The following FANCC variants were observed in gnomAD, a reference collection of about 807,000 sequenced individuals.
The protein encoded by FANCC is Fanconi anemia group C protein.
FANCC carries 55 observed loss-of-function variants against 71.3 expected under a neutral mutation model. That is an observed-to-expected ratio of 0.77 (90% CI 0.62 to 0.97). The LOEUF (loss-of-function observed/expected upper bound fraction) is 0.97. Among genes scored for constraint, FANCC ranks in the 50% least tolerant of loss-of-function variants. The pLI is 0.00. For missense variants in FANCC, 678 were observed against 670.9 expected (o/e 1.01, Z -0.12); for synonymous variants, 275 against 244.9 (o/e 1.12, Z -1.15).
intron 7 of FANCC, 140 bp downstream of exon 7, chr9:95,149,783 T>G: frequency 1.0e-6 from 1 of 996,758 alleles, no homozygotes; most frequent in South Asian, 1.4e-5. Flanking sequence ...CTGGCCGGGA[T>G]ACTCAGTAAT....
At chr9:95,183,319 T>A (rs1273576851) in intron 4 of FANCC, among the ~76,000 whole-genome samples, 2 of 152,228 alleles carry the variant, frequency 1.3e-5, no homozygotes, top group Admixed American at 1.3e-4. Flanking sequence ...CCTGCTCTCC[T>A]CTGTCCACCG....
At chr9:95,139,834 T>TTA (rs539221326) in intron 7 of FANCC, among the ~76,000 whole-genome samples, 4,379 of 143,104 alleles carry the variant, frequency 0.031, 64 homozygotes, top group South Asian at 0.05. Context: ...ATATATATAT[T>TTA]TATATATATA....
intron 4 of FANCC, among the ~76,000 whole-genome samples, chr9:95,221,324 A>G (rs545415954): frequency 2.6e-4 from 39 of 152,350 alleles, no homozygotes; most frequent in African/African-American, 8.9e-4. Context: ...CTCCCACCTC[A>G]TAACTGTCTA....
chr9:95,108,480 A>C (rs988202671), intron 13 of FANCC, among the ~76,000 whole-genome samples: 1 of 152,154 alleles, frequency 6.6e-6, no homozygotes, highest in Admixed American at 6.5e-5. Context: ...CTTGTCCAAT[A>C]ATCCCTAAGA....
intron 3 of FANCC, among the ~76,000 whole-genome samples, chr9:95,242,826 C>T (rs1199595675): frequency 1.3e-5 from 2 of 152,192 alleles, no homozygotes; most frequent in Admixed American, 6.5e-5. Context: ...CACCAGCACT[C>T]ACTCCAGGGG....
intron 4 of FANCC, among the ~76,000 whole-genome samples, chr9:95,184,428 C>T (rs1392129306): frequency 6.6e-6 from 1 of 152,072 alleles, no homozygotes; most frequent in Non-Finnish European, 1.5e-5. Flanking sequence ...ATTTACTTCA[C>T]TAAAAAAAGA....
intron 1 of FANCC, among the ~76,000 whole-genome samples, chr9:95,264,161 C>CT (rs1263172325): frequency 2.0e-5 from 3 of 152,196 alleles, no homozygotes; most frequent in African/African-American, 7.2e-5. Flanking sequence ...TAACACCATT[C>CT]TTTGGCTTTC....
At chr9:95,293,712 C>A in intron 1 of FANCC, 1 of 1,613,726 alleles carries the variant, frequency 6.2e-7, no homozygotes, top group Non-Finnish European at 8.5e-7. Flanking sequence ...CATTAGTGTT[C>A]ACACTCAGAC....
At chr9:95,277,288 A>G (rs957611129) in intron 1 of FANCC, among the ~76,000 whole-genome samples, 2 of 152,214 alleles carry the variant, frequency 1.3e-5, no homozygotes, top group Non-Finnish European at 2.9e-5. Context: ...CTGGGTAGTG[A>G]GCTGCACCTT....
chr9:95,166,407 C>T (rs1831071167), intron 6 of FANCC, among the ~76,000 whole-genome samples: 1 of 151,844 alleles, frequency 6.6e-6, no homozygotes, highest in South Asian at 2.1e-4. Flanking sequence ...TTGTTGTTAC[C>T]ATGGGCATTA....
At chr9:95,200,226 G>C (rs1019161106) in intron 4 of FANCC, among the ~76,000 whole-genome samples, 1 of 152,138 alleles carries the variant, frequency 6.6e-6, no homozygotes, top group African/African-American at 2.4e-5. Flanking sequence ...GAGCAAAGCT[G>C]CTGGGGTTCA....
intron 4 of FANCC, among the ~76,000 whole-genome samples, chr9:95,220,196 A>G (rs1829147223): frequency 6.6e-6 from 1 of 152,222 alleles, no homozygotes. Context: ...TAGAATGGCA[A>G]TCATTAAAAA....
chr9:95,316,381 G>C (rs997856233), intron 1 of FANCC, among the ~76,000 whole-genome samples: 1 of 152,190 alleles, frequency 6.6e-6, no homozygotes, highest in Non-Finnish European at 1.5e-5. Context: ...GGTAATGAAT[G>C]ATCTCAACAC....
At chr9:95,201,819 T>C (rs1028744570) in intron 4 of FANCC, among the ~76,000 whole-genome samples, 2 of 152,346 alleles carry the variant, frequency 1.3e-5, no homozygotes, top group Non-Finnish European at 2.9e-5. Flanking sequence ...CCTACTTAGA[T>C]AGCTGTAGAT....
chr9:95,181,651 G>C (rs916424064), intron 4 of FANCC, among the ~76,000 whole-genome samples: 1 of 152,092 alleles, frequency 6.6e-6, no homozygotes, highest in Non-Finnish European at 1.5e-5. Context: ...AAAAGGATGT[G>C]GATATAAATG....
rs1285451568 is a variant in FANCC, at chr9:95,317,527, G to T, written c.-80C>A. ...TGCGTTCTGCGGCCTGCCGCTTACCGGGTGGTCCTCGCGGGAGCTGCTTCA... is the reference window on the plus strand; with the variant it reads ...TGCGTTCTGCGGCCTGCCGCTTACCTGGTGGTCCTCGCGGGAGCTGCTTCA... On this transcript the variant is annotated splice_region_variant and 5_prime_UTR_variant, in exon 1 of 15. Coordinates refer to ENST00000289081, the MANE Select transcript of FANCC (RefSeq NM_000136.3). 6.6e-6 allele frequency: 1 copy of T among 152,290 alleles called. No homozygotes were observed. The highest frequency in any genetic ancestry group is 1.5e-5 in the Non-Finnish European group (1 of 68,090). 9.4% of individuals were successfully genotyped at this position (152,290 alleles called of 1,614,324 possible).
chr9:95,278,903 C>T (rs1419694015), intron 1 of FANCC, among the ~76,000 whole-genome samples: 1 of 152,012 alleles, frequency 6.6e-6, no homozygotes, highest in Non-Finnish European at 1.5e-5. Context: ...TATTCACTTA[C>T]AGGCATCAGT....
At chr9:95,293,563 T>C in intron 1 of FANCC, 1 of 1,613,454 alleles carries the variant, frequency 6.2e-7, no homozygotes, top group Non-Finnish European at 8.5e-7. Context: ...AAGAACGGCA[T>C]TTCTTCAATC....
At chr9:95,315,151 G>T (rs1835663619) in intron 1 of FANCC, among the ~76,000 whole-genome samples, 1 of 152,220 alleles carries the variant, frequency 6.6e-6, no homozygotes, top group Non-Finnish European at 1.5e-5. Flanking sequence ...TGAGTTAGAA[G>T]ATGCCAATCT....
Sources: allele counts gnomAD v4.1 joint callset (sites outside exome capture counted in the v4.1 genomes callset), GRCh38; gene constraint gnomAD v4.1.1; transcripts MANE v1.5; gene names NCBI Gene and HGNC (gene_info 2026-07-23, HGNC 2026-07-21).